CFAP77: variants seen among roughly 807,000 people sequenced by gnomAD.
CFAP77 encodes cilia and flagella associated protein 77.
In CFAP77, 25 loss-of-function variants were observed where a neutral mutation model predicts 31.1. That is an observed-to-expected ratio of 0.80 (90% CI 0.59 to 1.12). The LOEUF is 1.12. Ranked by LOEUF, CFAP77 falls within the 50% of genes most tolerant of loss-of-function variation. CFAP77 has a pLI of 0.00. For missense variants in CFAP77, 377 were observed against 397.3 expected, an observed-to-expected ratio of 0.95 and a Z score of 0.44; for synonymous variants, 151 against 159.9, an observed-to-expected ratio of 0.94 and a Z score of 0.42.
At chr9:132,570,362 T>C (rs930291657) in intron 5 of CFAP77, among the ~76,000 whole-genome samples, 25 of 152,314 alleles carry the variant, frequency 1.6e-4, no homozygotes, top group African/African-American at 5.1e-4. Context: ...TCAGTAGCTT[T>C]TGGGCTGGGC....
Position 132,564,336 on chromosome 9 carries a change from A to G in CFAP77, c.733-8052A>G, listed in dbSNP as rs571179214. On this transcript the variant is annotated intron_variant, in intron 5 of 5. Coordinates refer to ENST00000393216, the MANE Select transcript of CFAP77 (RefSeq NM_001282957.2). The surrounding 1 kb of genome is among the most constrained non-coding windows in gnomAD (Gnocchi z 4.6). ...CATTGAAAGTAGAACAGATTTTTCA[A>G]GCAAGAATACAAAGCAAAACCTCAA... is the stretch of plus-strand genomic sequence containing the variant. Among the ~76,000 whole-genome samples the G allele has an allele frequency of 1.3e-5, 2 of 152,374 alleles. No homozygotes were observed. Among genetic ancestry groups the G allele is most frequent in the East Asian group, 1.9e-4 (1 of 5,192 alleles).
intron 3 of CFAP77, among the ~76,000 whole-genome samples, chr9:132,505,622 TAA>T: frequency 6.6e-6 from 1 of 152,292 alleles, no homozygotes; most frequent in Non-Finnish European, 1.5e-5. Flanking sequence ...GCCACATTTT[TAA>T]AAAGTCAGGA....
chr9:132,532,113 A>G (rs1852463305), intron 3 of CFAP77, among the ~76,000 whole-genome samples: 1 of 150,520 alleles, frequency 6.6e-6, no homozygotes, highest in African/African-American at 2.5e-5. Flanking sequence ...GAACTGGAAA[A>G]CAAAGAACCA....
chr9:132,421,309 A>C (rs186457493), intron 1 of CFAP77, among the ~76,000 whole-genome samples: 21 of 150,918 alleles, frequency 1.4e-4, no homozygotes, highest in Admixed American at 4.0e-4. Context: ...GAGTCTTGAC[A>C]CAAAGATTAG....
At chr9:132,473,108 G>A (rs1390697760) in intron 1 of CFAP77, among the ~76,000 whole-genome samples, 1 of 152,100 alleles carries the variant, frequency 6.6e-6, no homozygotes, top group African/African-American at 2.4e-5. Flanking sequence ...GTCAGGGGTT[G>A]GGGGAGGGAG....
chr9:132,509,825 G>A (rs1852001070), intron 3 of CFAP77, among the ~76,000 whole-genome samples: 1 of 152,036 alleles, frequency 6.6e-6, no homozygotes, highest in Non-Finnish European at 1.5e-5. Flanking sequence ...GGAGAAGGTA[G>A]CAGCCTGGGG....
intron 1 of CFAP77, among the ~76,000 whole-genome samples, chr9:132,443,972 C>T (rs1051917752): frequency 6.6e-6 from 1 of 152,256 alleles, no homozygotes; most frequent in Admixed American, 6.5e-5. Flanking sequence ...GCCAGCCATT[C>T]CTTAAGTGTC....
chr9:132,530,317 C>T (rs1852420812), intron 3 of CFAP77, among the ~76,000 whole-genome samples: 1 of 151,190 alleles, frequency 6.6e-6, no homozygotes, highest in African/African-American at 2.4e-5. Flanking sequence ...TCTCTGTCAC[C>T]CATCCTGGAG....
chr9:132,413,636 C>T (rs995130481), intron 1 of CFAP77, among the ~76,000 whole-genome samples: 1 of 152,190 alleles, frequency 6.6e-6, no homozygotes. Flanking sequence ...CTTCACAAAA[C>T]CTGTCAGGGT....
rs1852039860 is a variant in CFAP77, at chr9:132,511,558, G to A, written c.524+11958G>A. On this transcript the variant is annotated intron_variant, in intron 3 of 5. Coordinates refer to ENST00000393216, the MANE Select transcript of CFAP77 (RefSeq NM_001282957.2). The surrounding 1 kb of genome is among the most constrained non-coding windows in gnomAD (Gnocchi z 5.8). Reference sequence around the variant, plus strand: ...GCTTGTTGACTGACTGCGTGAGAGGGAACAGATTGCTCAAATGCAGTGCGT... The same window carrying A: ...GCTTGTTGACTGACTGCGTGAGAGGAAACAGATTGCTCAAATGCAGTGCGT... Among the ~76,000 whole-genome samples the A allele has an allele frequency of 6.6e-6, 1 of 152,196 alleles. No homozygotes were observed. Among genetic ancestry groups the A allele is most frequent in the South Asian group, 2.1e-4 (1 of 4,822 alleles).
At chr9:132,541,610 G>C (rs1456041594) in intron 4 of CFAP77, among the ~76,000 whole-genome samples, 1 of 152,140 alleles carries the variant, frequency 6.6e-6, no homozygotes, top group African/African-American at 2.4e-5. Context: ...TGTAATCCCA[G>C]CTACTTGGGA....
At chr9:132,469,303 C>G (rs1038541142) in intron 1 of CFAP77, among the ~76,000 whole-genome samples, 1 of 152,328 alleles carries the variant, frequency 6.6e-6, no homozygotes, top group Non-Finnish European at 1.5e-5. Context: ...CCATTTCCCC[C>G]CTAATTTGTA....
At chr9:132,571,860 C>T (rs565426547) in intron 5 of CFAP77, among the ~76,000 whole-genome samples, 155 of 150,630 alleles carry the variant, frequency 1.0e-3, no homozygotes, top group Non-Finnish European at 1.7e-3. Context: ...GAGGCTCCCA[C>T]TCTTTGAATC....
chr9:132,548,853 C>G lies in CFAP77; in HGVS notation c.732+5806C>G, dbSNP rs187914524. Among the ~76,000 whole-genome samples, 154 of 152,322 alleles carry G rather than the reference C, an allele frequency of 1.0e-3. 2 individuals carry two copies. The East Asian group carries it at 0.022, about 21-fold the overall frequency. ...TTGGCTTTTGGTTTCAGCCCCACTG[C>G]TTTAGAATAATGGCCCAAGCTATTA... On this transcript the variant is annotated intron_variant, in intron 5 of 5. Coordinates refer to ENST00000393216, the MANE Select transcript of CFAP77 (RefSeq NM_001282957.2).
intron 1 of CFAP77, among the ~76,000 whole-genome samples, chr9:132,437,567 TGAC>T (rs201458888): frequency 0.015 from 2,136 of 143,692 alleles, 58 homozygotes; most frequent in African/African-American, 0.052. Flanking sequence ...TGGAGAGCAG[TGAC>T]GCGATCTCGG....
At chr9:132,516,088 G>A (rs991281981) in intron 3 of CFAP77, among the ~76,000 whole-genome samples, 3 of 152,226 alleles carry the variant, frequency 2.0e-5, no homozygotes, top group African/African-American at 7.2e-5. Context: ...CTGGTCTAAA[G>A]TTGGCAGCTC....
chr9:132,525,150 G>A lies in CFAP77; in HGVS notation c.525-12451G>A, dbSNP rs562156328. 1.9e-3 allele frequency among the ~76,000 whole-genome samples: 293 copies of A among 151,008 alleles called. 21 individuals carry two copies. Among genetic ancestry groups the A allele is most frequent in the Non-Finnish European group, 3.5e-3 (234 of 67,690 alleles). ...TTCTCCTGCGTCAGCCTCCTGAGTA[G>A]CCGGGACTACAGGCATGCGCCACCA... is the stretch of plus-strand genomic sequence containing the variant. On this transcript the variant is annotated intron_variant, in intron 3 of 5. Coordinates refer to ENST00000393216, the MANE Select transcript of CFAP77 (RefSeq NM_001282957.2).
intron 1 of CFAP77, among the ~76,000 whole-genome samples, chr9:132,438,199 CAAA>C (rs954482789): frequency 1.0e-4 from 5 of 47,880 alleles, no homozygotes; most frequent in Non-Finnish European, 4.3e-5. Context: ...GAGACGCCAT[CAAA>C]AAAAAAAAAA....
intron 1 of CFAP77, among the ~76,000 whole-genome samples, chr9:132,496,244 C>T: frequency 6.6e-6 from 1 of 152,094 alleles, no homozygotes; most frequent in East Asian, 1.9e-4. Flanking sequence ...GATCCCTTTC[C>T]TTGTGGGGCA....
Sources: allele counts gnomAD v4.1 joint callset (sites outside exome capture counted in the v4.1 genomes callset), GRCh38; gene constraint gnomAD v4.1.1; non-coding constraint Gnocchi (gnomAD v3.1); transcripts MANE v1.5; gene names NCBI Gene and HGNC (gene_info 2026-07-23, HGNC 2026-07-21).